Variants in MMP16 observed in about 807,000 individuals in gnomAD.
MMP16 encodes the protein matrix metallopeptidase 16.
In MMP16, 12 loss-of-function variants were observed where a neutral mutation model predicts 67.8. The ratio of observed to expected loss-of-function variants is 0.18; its 90% confidence interval spans 0.11 to 0.29. The LOEUF (loss-of-function observed/expected upper bound fraction) is 0.29. Among genes scored for constraint, MMP16 ranks in the 10% least tolerant of loss-of-function variants. The probability of loss-of-function intolerance (pLI) is 1.00; values close to 1 mark genes in which losing one functional copy is unlikely to be tolerated. For missense variants in MMP16, 475 were observed against 765.7 expected (o/e 0.62, Z 4.48); for synonymous variants, 249 against 255.9 (o/e 0.97, Z 0.26).
chr8:88,310,619 C>T (rs1586013801), intron 1 of MMP16, among the ~76,000 whole-genome samples: 1 of 152,090 alleles, frequency 6.6e-6, no homozygotes, highest in Non-Finnish European at 1.5e-5. Context: ...TCATGGAACA[C>T]ACTAAAGATG....
intron 1 of MMP16, among the ~76,000 whole-genome samples, chr8:88,284,677 T>A (rs1290117136): frequency 6.6e-6 from 1 of 152,142 alleles, no homozygotes; most frequent in Non-Finnish European, 1.5e-5. Flanking sequence ...CTAAGTGCTA[T>A]TTACTCACCA....
chr8:88,305,549 C>T (rs1811199365), intron 1 of MMP16, among the ~76,000 whole-genome samples: 1 of 152,200 alleles, frequency 6.6e-6, no homozygotes. Flanking sequence ...AAGTAAAACA[C>T]TCTTCAGCAA....
At chr8:88,086,724 C>T (rs1190078675) in intron 6 of MMP16, among the ~76,000 whole-genome samples, 1 of 151,884 alleles carries the variant, frequency 6.6e-6, no homozygotes, top group Non-Finnish European at 1.5e-5. Flanking sequence ...GGTACATAGA[C>T]AATGTATTCA....
chr8:88,178,330 A>T (rs1242916202), intron 3 of MMP16, among the ~76,000 whole-genome samples: 1 of 152,178 alleles, frequency 6.6e-6, no homozygotes, highest in Admixed American at 6.5e-5. Context: ...AGTAGACAAC[A>T]TAAAGAAAAC....
chr8:88,141,851 A>T (rs1808216287), intron 4 of MMP16, among the ~76,000 whole-genome samples: 1 of 152,156 alleles, frequency 6.6e-6, no homozygotes, highest in Non-Finnish European at 1.5e-5. Flanking sequence ...TCCTTGGTCA[A>T]ATAATTATGT....
At chr8:88,239,840 C>T (rs1354220496) in intron 1 of MMP16, among the ~76,000 whole-genome samples, 1 of 152,176 alleles carries the variant, frequency 6.6e-6, no homozygotes, top group Non-Finnish European at 1.5e-5. Flanking sequence ...TATAATTCCT[C>T]CCCTCCCAAA....
chr8:88,051,180 T>A (rs1258961249), intron 8 of MMP16, among the ~76,000 whole-genome samples: 1 of 152,216 alleles, frequency 6.6e-6, no homozygotes, highest in East Asian at 1.9e-4. Flanking sequence ...GGCTTACTCA[T>A]AAATATTGCT....
chr8:88,294,458 ATG>A (rs1284608143), intron 1 of MMP16, among the ~76,000 whole-genome samples: 2 of 151,476 alleles, frequency 1.3e-5, no homozygotes, highest in Middle Eastern at 7.0e-3. Flanking sequence ...ACACATATGC[ATG>A]TCTCTGTACA....
At chr8:88,172,307 T>TGA (rs1808816500) in intron 3 of MMP16, among the ~76,000 whole-genome samples, 1 of 152,152 alleles carries the variant, frequency 6.6e-6, no homozygotes, top group Admixed American at 6.5e-5. Flanking sequence ...AATTTAATGA[T>TGA]CTCTGACAAC....
At position 88,321,653 on chromosome 8, in the gene MMP16, A is replaced by G. The variant is rs114469594; in HGVS notation, c.132+5422T>C. Among the ~76,000 whole-genome samples, 1,157 of 152,280 alleles carry G rather than the reference A, an allele frequency of 7.6e-3. 7 individuals carry two copies. Among genetic ancestry groups the G allele is most frequent in the African/African-American group, 0.024 (1,006 of 41,558 alleles). ...TTATTTCAGAAAAAAAATCTGAACT[A>G]TCTACCTTTGTGATTCAGTAGTTAC... On this transcript the variant is annotated intron_variant, in intron 1 of 9. Coordinates refer to ENST00000286614, the MANE Select transcript of MMP16 (RefSeq NM_005941.5).
chr8:88,050,473 AC>A (rs1808255849), intron 8 of MMP16, among the ~76,000 whole-genome samples: 2 of 152,352 alleles, frequency 1.3e-5, no homozygotes, highest in East Asian at 3.9e-4. Flanking sequence ...AAATAACTAC[AC>A]GTCATGTAGC....
At chr8:88,165,081 T>C (rs1367703304) in intron 4 of MMP16, among the ~76,000 whole-genome samples, 1 of 148,436 alleles carries the variant, frequency 6.7e-6, no homozygotes, top group African/African-American at 2.5e-5. Flanking sequence ...AGCTAGGTAA[T>C]ACTGTAATTC....
At chr8:88,323,097 T>C (rs1811485489) in intron 1 of MMP16, among the ~76,000 whole-genome samples, 1 of 152,158 alleles carries the variant, frequency 6.6e-6, no homozygotes. Context: ...AATTATAGGC[T>C]ATATTCAGGA....
chr8:88,320,731 T>C (rs899683927), intron 1 of MMP16, among the ~76,000 whole-genome samples: 4 of 152,286 alleles, frequency 2.6e-5, no homozygotes, highest in East Asian at 1.9e-4. Context: ...TTCCAAGCCA[T>C]TGGAGTCTTT....
intron 6 of MMP16, among the ~76,000 whole-genome samples, chr8:88,091,911 T>C (rs1808944799): frequency 1.3e-5 from 2 of 151,848 alleles, no homozygotes; most frequent in African/African-American, 4.8e-5. Flanking sequence ...AGTACCTTCA[T>C]CATTGCAGCA....
rs147148394 is a variant in MMP16, at chr8:88,063,482, C to CTT, written c.1223-7206_1223-7205dup. On this transcript the variant is annotated intron_variant, in intron 7 of 9. Transcript: ENST00000286614. ...CAGGAAACATGCAGTACCTAATAAC[C>CTT]TTTTTTTTTTTTTTTTCAGAAGGAC... 1.3e-3 allele frequency among the ~76,000 whole-genome samples: 179 copies of CTT among 136,776 alleles called. 1 individual carries two copies. The highest frequency in any genetic ancestry group is 1.6e-3 in the Non-Finnish European group (104 of 63,486). The allele number at this position is 136,776 out of a possible 152,430, so 89.7% of individuals were successfully genotyped here.
In MMP16 at chr8:88,168,065, A is replaced by G. The variant is rs1030300911; in HGVS notation, c.405-92T>C. 4 of 904,086 alleles carry G rather than the reference A, an allele frequency of 4.4e-6. No individual in the cohort carries two copies. In the African/African-American group the frequency reaches 6.8e-5, roughly 15 times the overall value. 56.0% of individuals were successfully genotyped at this position (904,086 alleles called of 1,614,324 possible). ...GATTCAGTTAAGTAAAATATTAGAG[A>G]AAATAGTCATATTAAATAGGAATAA... On this transcript the variant is annotated intron_variant, in intron 3 of 9. Transcript: ENST00000286614.
At chr8:88,087,385 C>T (rs1347383857) in intron 6 of MMP16, among the ~76,000 whole-genome samples, 1 of 151,836 alleles carries the variant, frequency 6.6e-6, no homozygotes, top group Non-Finnish European at 1.5e-5. Context: ...AGCCGACTGT[C>T]CTGCTTATTC....
intron 7 of MMP16, among the ~76,000 whole-genome samples, chr8:88,067,994 A>G (rs1056082327): frequency 6.6e-6 from 1 of 152,134 alleles, no homozygotes; most frequent in East Asian, 1.9e-4. Context: ...AACTGCCAAA[A>G]TGTTTTCCAG....
Sources: allele counts gnomAD v4.1 joint callset (sites outside exome capture counted in the v4.1 genomes callset), GRCh38; gene constraint gnomAD v4.1.1; transcripts MANE v1.5; gene names NCBI Gene and HGNC (gene_info 2026-07-23, HGNC 2026-07-21).